Variants in CNTN4 observed in about 807,000 individuals in gnomAD.
CNTN4 encodes the protein contactin-4.
Under a neutral mutation model 122.5 loss-of-function variants are expected in CNTN4, and 77 were observed. That is an observed-to-expected ratio of 0.63 (90% CI 0.52 to 0.76). CNTN4 has a LOEUF of 0.76. Ranked by LOEUF, CNTN4 falls within the 30% of genes least tolerant of loss-of-function variation. CNTN4 has a pLI of 0.00. For missense variants in CNTN4, 1,256 were observed against 1,259.1 expected (o/e 1.00, Z 0.04); for synonymous variants, 512 against 447.0 (o/e 1.15, Z -1.83).
Position 2,596,241 on chromosome 3 carries a change from A to G in CNTN4, c.55+24683A>G, listed in dbSNP as rs569379640. 7.2e-5 allele frequency among the ~76,000 whole-genome samples: 11 copies of G among 152,318 alleles called. No individual in the cohort carries two copies. The South Asian group carries it at 2.3e-3, about 32-fold the overall frequency. The stretch of plus-strand genomic sequence containing the variant: ...GTATTTACTTGGAGAGAAACAGGTG[A>G]GGGAAGCATATTGAATCATAACCTA... On this transcript the variant is annotated intron_variant, in intron 4 of 24. Transcript: ENST00000418658.
intron 6 of CNTN4, among the ~76,000 whole-genome samples, chr3:2,798,679 T>C (rs190643269): frequency 9.2e-5 from 14 of 152,196 alleles, no homozygotes; most frequent in Admixed American, 9.2e-4. Flanking sequence ...TTGGCTGTTT[T>C]TTTGTATTTT....
At chr3:2,229,996 T>A (rs1369277635) in intron 2 of CNTN4, among the ~76,000 whole-genome samples, 1 of 150,640 alleles carries the variant, frequency 6.6e-6, no homozygotes, top group African/African-American at 2.5e-5. Context: ...AATTTTAATC[T>A]GTTCTTAACC....
intron 7 of CNTN4, among the ~76,000 whole-genome samples, chr3:2,864,825 A>G (rs1263100171): frequency 6.7e-6 from 1 of 150,362 alleles, no homozygotes; most frequent in Non-Finnish European, 1.5e-5. Flanking sequence ...GGTAAATTAC[A>G]TTCTAACTTC....
intron 3 of CNTN4, among the ~76,000 whole-genome samples, chr3:2,414,831 A>G (rs1319913916): frequency 6.6e-6 from 1 of 152,206 alleles, no homozygotes; most frequent in Non-Finnish European, 1.5e-5. Context: ...GCCCAAAAGA[A>G]TATTTCAGAT....
Position 2,450,367 on chromosome 3 carries a change from AAAAT to A in CNTN4, c.-89+111162_-89+111165del, listed in dbSNP as rs56349378. ...GGGTGAAGGAGTGAGACTCTGTCTC[AAAAT>A]AAATAAATAAATAAATAAATAAATA... is the stretch of plus-strand genomic sequence containing the variant. On this transcript the variant is annotated intron_variant, in intron 3 of 24. Transcript: ENST00000418658. Among the ~76,000 whole-genome samples, 480 of 148,516 alleles carry A rather than the reference AAAAT, an allele frequency of 3.2e-3. 4 individuals carry two copies. Among genetic ancestry groups the A allele is most frequent in the Middle Eastern group, 0.017 (5 of 290 alleles).
chr3:2,705,870 A>T (rs28689566), intron 4 of CNTN4, among the ~76,000 whole-genome samples: 4,577 of 85,834 alleles, frequency 0.053, 147 homozygotes, highest in South Asian at 0.16. Context: ...TTTATATATA[A>T]TATATATTTT....
chr3:2,277,239 T>C (rs1169684856), intron 2 of CNTN4, among the ~76,000 whole-genome samples: 1 of 152,102 alleles, frequency 6.6e-6, no homozygotes, highest in Non-Finnish European at 1.5e-5. Context: ...TTTAATTGTT[T>C]CTCTTTTCTT....
intron 14 of CNTN4, among the ~76,000 whole-genome samples, chr3:3,008,225 T>A (rs1358443425): frequency 6.6e-6 from 1 of 152,110 alleles, no homozygotes; most frequent in East Asian, 1.9e-4. Flanking sequence ...TATGGCCAGT[T>A]TAGGAAAAAT....
intron 4 of CNTN4, among the ~76,000 whole-genome samples, chr3:2,725,277 C>T (rs902553315): frequency 1.3e-5 from 2 of 152,084 alleles, no homozygotes; most frequent in Non-Finnish European, 2.9e-5. Context: ...GATTGTAGAT[C>T]ACCTGCATCT....
chr3:2,429,065 G>A (rs1394637216), intron 3 of CNTN4, among the ~76,000 whole-genome samples: 1 of 152,184 alleles, frequency 6.6e-6, no homozygotes, highest in Non-Finnish European at 1.5e-5. Context: ...ATCGTCTGAA[G>A]CCTTCTTCTC....
At chr3:2,368,616 G>T (rs2150625634) in intron 3 of CNTN4, among the ~76,000 whole-genome samples, 1 of 152,046 alleles carries the variant, frequency 6.6e-6, no homozygotes, top group East Asian at 1.9e-4. Flanking sequence ...ATTAGGGATG[G>T]TATTTGAGAT....
Position 2,819,476 on chromosome 3 carries a change from C to A in CNTN4, c.359-10C>A. On this transcript the variant is annotated splice_polypyrimidine_tract_variant and intron_variant, in intron 6 of 24. Coordinates refer to ENST00000418658, the MANE Select transcript of CNTN4 (RefSeq NM_175607.3). The stretch of plus-strand genomic sequence containing the variant: ...AGTTTAAATGCTTTTTCCCATATTT[C>A]TCCCAACAGATCTTGACAACTTTAA... The A allele has an allele frequency of 6.2e-7, 1 of 1,605,026 alleles. No homozygotes were observed. Among genetic ancestry groups the A allele is most frequent in the South Asian group, 1.1e-5 (1 of 90,856 alleles).
intron 8 of CNTN4, among the ~76,000 whole-genome samples, chr3:2,878,276 A>G (rs2093868168): frequency 6.6e-6 from 1 of 152,202 alleles, no homozygotes; most frequent in Non-Finnish European, 1.5e-5. Context: ...TTTAGTAAAG[A>G]ATGATCTTAA....
rs530857218 is a variant in CNTN4, at chr3:3,056,832, C to T, written c.*612C>T. On this transcript the variant is annotated 3_prime_UTR_variant, in exon 25 of 25. Transcript: ENST00000418658. ...TGACATGTACAGTATGTTTTCATGCCGTTGTGAATTTTGTTGTTCAACCCA... is the reference window on the plus strand; with the variant it reads ...TGACATGTACAGTATGTTTTCATGCTGTTGTGAATTTTGTTGTTCAACCCA... 6 of 152,720 alleles carry T rather than the reference C, an allele frequency of 3.9e-5. No homozygotes were observed. In the South Asian group the frequency reaches 6.2e-4, roughly 16 times the overall value. 9.5% of individuals were successfully genotyped at this position (152,720 alleles called of 1,614,324 possible). A position where few individuals can be genotyped will look rare whatever the true frequency, so the allele number is the denominator to read the frequency against.
chr3:2,987,264 A>G (rs918742397), intron 13 of CNTN4, among the ~76,000 whole-genome samples: 1 of 152,248 alleles, frequency 6.6e-6, no homozygotes, highest in Non-Finnish European at 1.5e-5. Flanking sequence ...TTAAAAAGCT[A>G]GATCCATTAG....
At chr3:2,656,129 T>A (rs1342866937) in intron 4 of CNTN4, among the ~76,000 whole-genome samples, 1 of 152,212 alleles carries the variant, frequency 6.6e-6, no homozygotes, top group Admixed American at 6.5e-5. Context: ...TCCTAGGGAA[T>A]TTTTAAAACA....
intron 2 of CNTN4, among the ~76,000 whole-genome samples, chr3:2,174,734 T>C (rs980761177): frequency 1.3e-5 from 2 of 152,286 alleles, no homozygotes; most frequent in African/African-American, 4.8e-5. Flanking sequence ...TGACTCACAG[T>C]TCTGCAAGTG....
At chr3:2,279,095 G>A (rs922745838) in intron 2 of CNTN4, among the ~76,000 whole-genome samples, 25 of 151,726 alleles carry the variant, frequency 1.6e-4, no homozygotes, top group East Asian at 3.9e-4. Flanking sequence ...GCTTGCTCAC[G>A]TTATCTAAGT....
intron 14 of CNTN4, among the ~76,000 whole-genome samples, chr3:3,016,831 C>T (rs1482300131): frequency 6.6e-6 from 1 of 152,154 alleles, no homozygotes; most frequent in African/African-American, 2.4e-5. Context: ...TTGCGATTTT[C>T]CCCCAGTCCT....
Sources: gnomAD v4.1 joint callset for allele counts (sites outside exome capture counted in the v4.1 genomes callset) on GRCh38, gnomAD v4.1.1 for gene constraint, MANE v1.5 for transcripts, NCBI Gene and HGNC (gene_info 2026-07-23, HGNC 2026-07-21) for gene names.